Variants in DOCK3 observed in about 807,000 individuals in gnomAD.
The protein encoded by DOCK3 is dedicator of cytokinesis 3.
A neutral mutation model predicts 265.6 loss-of-function variants in DOCK3; 60 were observed. The ratio of observed to expected loss-of-function variants is 0.23; its 90% confidence interval spans 0.18 to 0.28. The LOEUF is 0.28. Among genes scored for constraint, DOCK3 ranks in the 10% least tolerant of loss-of-function variants. DOCK3 has a pLI of 1.00. For synonymous variants in DOCK3, 881 were observed against 938.0 expected (o/e 0.94, Z 1.11); for missense variants, 1,981 against 2,594.3 (o/e 0.76, Z 5.14).
At chr3:50,918,438 T>C (rs1470624648) in intron 4 of DOCK3, among the ~76,000 whole-genome samples, 1 of 152,172 alleles carries the variant, frequency 6.6e-6, no homozygotes, top group Non-Finnish European at 1.5e-5. Context: ...ACTGACTTTT[T>C]AATGATCGCC....
intron 5 of DOCK3, among the ~76,000 whole-genome samples, chr3:51,041,161 T>C (rs1226894513): frequency 4.6e-5 from 2 of 43,516 alleles, no homozygotes; most frequent in East Asian, 1.5e-3. Context: ...CCTTACAAAA[T>C]GTATATATAT....
intron 1 of DOCK3, among the ~76,000 whole-genome samples, chr3:50,765,105 A>T (rs1273855920): frequency 3.4e-5 from 4 of 116,990 alleles, no homozygotes; most frequent in African/African-American, 1.3e-4. Context: ...TTTTTGAGAC[A>T]GAGTCTCGCT....
intron 9 of DOCK3, among the ~76,000 whole-genome samples, chr3:51,103,161 C>G (rs2083149892): frequency 6.6e-6 from 1 of 152,036 alleles, no homozygotes; most frequent in Non-Finnish European, 1.5e-5. Context: ...TCAAGGGGCT[C>G]TAATGGAAAA....
intron 1 of DOCK3, among the ~76,000 whole-genome samples, chr3:50,714,447 T>G (rs900118782): frequency 1.3e-5 from 2 of 152,168 alleles, no homozygotes; most frequent in Non-Finnish European, 2.9e-5. Flanking sequence ...TTCTTGCAGA[T>G]CTGGTCCTGA....
intron 12 of DOCK3, among the ~76,000 whole-genome samples, chr3:51,189,782 T>G (rs921235321): frequency 1.9e-4 from 29 of 152,348 alleles, no homozygotes; most frequent in African/African-American, 6.7e-4. Context: ...TACCCAGTTG[T>G]GGAATTTTTT....
intron 3 of DOCK3, among the ~76,000 whole-genome samples, chr3:50,842,610 GT>G (rs1336022893): frequency 6.6e-6 from 1 of 151,994 alleles, no homozygotes. Context: ...GTTTAGCAGA[GT>G]ATATGGCTTC....
chr3:51,104,894 T>C (rs2083223532), intron 9 of DOCK3, among the ~76,000 whole-genome samples: 1 of 152,100 alleles, frequency 6.6e-6, no homozygotes, highest in Non-Finnish European at 1.5e-5. Flanking sequence ...GCTCAAGTAA[T>C]CCTCCAACCC....
chr3:50,851,274 G>A (rs1016240763), intron 3 of DOCK3, among the ~76,000 whole-genome samples: 2 of 152,164 alleles, frequency 1.3e-5, no homozygotes, highest in Admixed American at 6.5e-5. Flanking sequence ...ATGCACAAGA[G>A]GGGTGGGGCA....
At chr3:51,294,965 C>G (rs1017214682) in intron 27 of DOCK3, among the ~76,000 whole-genome samples, 152 of 152,262 alleles carry the variant, frequency 1.0e-3, no homozygotes, top group African/African-American at 3.5e-3. Flanking sequence ...GTTCATTCCA[C>G]AATGTATACA....
At chr3:50,764,492 C>T (rs1486626061) in intron 1 of DOCK3, among the ~76,000 whole-genome samples, 1 of 152,090 alleles carries the variant, frequency 6.6e-6, no homozygotes, top group Non-Finnish European at 1.5e-5. Context: ...ATATCAGGGA[C>T]TTGAGCATCC....
intron 22 of DOCK3, among the ~76,000 whole-genome samples, chr3:51,251,268 T>C (rs1338968443): frequency 1.3e-5 from 2 of 152,216 alleles, no homozygotes; most frequent in Admixed American, 6.5e-5. Flanking sequence ...CAGTCTATCA[T>C]TGATGGACAT....
chr3:50,927,926 G>A (rs978817125), intron 4 of DOCK3, among the ~76,000 whole-genome samples: 44 of 152,040 alleles, frequency 2.9e-4, no homozygotes, highest in African/African-American at 1.0e-3. Context: ...AGCAGTAGAC[G>A]AGAGTTTTTC....
chr3:51,026,238 T>A (rs544887141), intron 5 of DOCK3, among the ~76,000 whole-genome samples: 2 of 152,168 alleles, frequency 1.3e-5, no homozygotes, highest in Non-Finnish European at 2.9e-5. Flanking sequence ...GATGGTCATA[T>A]GTTTTTTTTT....
intron 48 of DOCK3, 104 bp from the exon 49 acceptor site, chr3:51,362,423 G>T: frequency 1.4e-6 from 2 of 1,447,978 alleles, no homozygotes; most frequent in Non-Finnish European, 1.9e-6. Flanking sequence ...ATAGCATAAG[G>T]CACTGGGGCA....
At chr3:51,069,491 T>C (rs199826902) in intron 6 of DOCK3, among the ~76,000 whole-genome samples, 1 of 4,836 alleles carries the variant, frequency 2.1e-4, no homozygotes, top group African/African-American at 3.4e-4. Flanking sequence ...AAGAAATATT[T>C]TATTCTTAGA....
intron 5 of DOCK3, among the ~76,000 whole-genome samples, chr3:51,036,505 A>G (rs1182185342): frequency 1.3e-5 from 2 of 152,186 alleles, no homozygotes; most frequent in Non-Finnish European, 2.9e-5. Flanking sequence ...TGTAAGTCTT[A>G]TACCTGTTAC....
At position 51,136,131 on chromosome 3, in the gene DOCK3, C is replaced by G. The variant is rs974989825; in HGVS notation, c.747-10418C>G. 1.4e-4 allele frequency among the ~76,000 whole-genome samples: 22 copies of G among 152,274 alleles called. 1 individual carries two copies. Among genetic ancestry groups the G allele is most frequent in the Admixed American group, 1.3e-3 (20 of 15,294 alleles). ...CCTTTTTCTTCATCTCTAATTACCC[C>G]TTACCAAGTGGCAAAAGCCTTGCAG... is the stretch of plus-strand genomic sequence containing the variant. On this transcript the variant is annotated intron_variant, in intron 9 of 52. Transcript: ENST00000266037.
chr3:51,289,344 T>C (rs1277010690), intron 27 of DOCK3, among the ~76,000 whole-genome samples: 4 of 152,194 alleles, frequency 2.6e-5, no homozygotes, highest in African/African-American at 9.7e-5. Flanking sequence ...AAAGTTGTTA[T>C]CAGCCTAAAA....
At chr3:51,312,633 T>G (rs2083144813) in intron 30 of DOCK3, 57 bp downstream of exon 30, 2 of 1,464,012 alleles carry the variant, frequency 1.4e-6, no homozygotes, top group African/African-American at 2.8e-5. Context: ...GGGCTATGTT[T>G]CGTTGAGAGT....
Sources: allele counts gnomAD v4.1 joint callset (sites outside exome capture counted in the v4.1 genomes callset), GRCh38; gene constraint gnomAD v4.1.1; transcripts MANE v1.5; gene names NCBI Gene and HGNC (gene_info 2026-07-23, HGNC 2026-07-21).